The following TSHR variants were observed in gnomAD, a reference collection of about 807,000 sequenced individuals.
TSHR encodes thyrotropin receptor.
In TSHR, 51 loss-of-function variants were observed where a neutral mutation model predicts 64.1. The ratio of observed to expected loss-of-function variants is 0.80; its 90% confidence interval spans 0.64 to 1.01. The LOEUF is 1.01. Among genes scored for constraint, TSHR ranks in the 50% least tolerant of loss-of-function variants. The pLI, the probability that TSHR is intolerant of heterozygous loss-of-function variation, is 0.00. For synonymous variants in TSHR, 361 were observed against 361.9 expected, an observed-to-expected ratio of 1.00 and a Z score of 0.03; for missense variants, 877 against 942.8, an observed-to-expected ratio of 0.93 and a Z score of 0.91.
chr14:81,108,190 A>G (rs1890023946), intron 7 of TSHR, among the ~76,000 whole-genome samples, 185 bp from the exon 8 acceptor site: 1 of 152,184 alleles, frequency 6.6e-6, no homozygotes, highest in Non-Finnish European at 1.5e-5. Flanking sequence ...AATGTGTAAA[A>G]CTTTATACAA....
chr14:81,047,755 T>C (rs1885239701), intron 1 of TSHR, among the ~76,000 whole-genome samples: 1 of 151,022 alleles, frequency 6.6e-6, no homozygotes, highest in African/African-American at 2.4e-5. Flanking sequence ...TCTGCCATTC[T>C]CCTGCCTCAG....
intron 1 of TSHR, chr14:81,013,082 G>A (rs878954546): frequency 1.1e-4 from 16 of 152,112 alleles, no homozygotes; most frequent in African/African-American, 2.9e-4. Flanking sequence ...TAGGTCTAAC[G>A]TTTAAGTCTT....
At chr14:81,027,339 A>T (rs1172828346) in intron 1 of TSHR, among the ~76,000 whole-genome samples, 1 of 152,192 alleles carries the variant, frequency 6.6e-6, no homozygotes, top group Non-Finnish European at 1.5e-5. Flanking sequence ...GAAATAAGAG[A>T]TTTGAATCTG....
intron 4 of TSHR, among the ~76,000 whole-genome samples, chr14:81,090,171 C>T (rs534644198): frequency 5.3e-5 from 8 of 152,168 alleles, no homozygotes. Context: ...GTCTTTTAAT[C>T]TTAACATTTT....
At chr14:81,140,682 T>A (rs1378620821) in intron 9 of TSHR, among the ~76,000 whole-genome samples, 1 of 152,226 alleles carries the variant, frequency 6.6e-6, no homozygotes, top group African/African-American at 2.4e-5. Flanking sequence ...CAATCTCCTG[T>A]TCTCCTAATC....
At chr14:81,036,560 T>C (rs1594982127) in intron 1 of TSHR, among the ~76,000 whole-genome samples, 1 of 152,104 alleles carries the variant, frequency 6.6e-6, no homozygotes. Flanking sequence ...GCTGAGGTAA[T>C]CCATCACTGC....
intron 7 of TSHR, among the ~76,000 whole-genome samples, chr14:81,100,588 A>T (rs1374193520): frequency 6.6e-6 from 1 of 152,262 alleles, no homozygotes; most frequent in African/African-American, 2.4e-5. Flanking sequence ...TGCCAGTCAC[A>T]GCTCCCAGGT....
At chr14:80,968,979 A>C (rs1291056268) in intron 1 of TSHR, among the ~76,000 whole-genome samples, 1 of 152,218 alleles carries the variant, frequency 6.6e-6, no homozygotes, top group Non-Finnish European at 1.5e-5. Flanking sequence ...TTGGGCAGGA[A>C]TACAGACAGG....
chr14:80,966,693 G>A (rs1469791998), intron 1 of TSHR, among the ~76,000 whole-genome samples: 1 of 152,202 alleles, frequency 6.6e-6, no homozygotes, highest in Non-Finnish European at 1.5e-5. Context: ...AATACTGGAA[G>A]TTGCATTTTA....
At chr14:81,092,684 C>A in intron 6 of TSHR, 76 bp downstream of exon 6, 3 of 1,345,750 alleles carry the variant, frequency 2.2e-6, no homozygotes, top group Non-Finnish European at 3.2e-6. Flanking sequence ...ACAGACCATC[C>A]AAGAGCCATA....
intron 8 of TSHR, among the ~76,000 whole-genome samples, chr14:81,130,061 A>T (rs1441485172): frequency 6.6e-6 from 1 of 152,200 alleles, no homozygotes; most frequent in Admixed American, 6.5e-5. Flanking sequence ...GGTAAGAACT[A>T]CCTTGCCTTT....
At chr14:81,134,208 T>C (rs1030127872) in intron 8 of TSHR, among the ~76,000 whole-genome samples, 1 of 152,174 alleles carries the variant, frequency 6.6e-6, no homozygotes, top group South Asian at 2.1e-4. Context: ...CAATCTCGGC[T>C]CACCACGACC....
intron 3 of TSHR, among the ~76,000 whole-genome samples, chr14:81,075,688 C>G (rs2139932577): frequency 7.0e-6 from 1 of 142,240 alleles, no homozygotes; most frequent in Admixed American, 7.5e-5. Context: ...CACTTTTACA[C>G]TGTTGGTGGG....
chr14:81,133,487 T>C (rs1176902315), intron 8 of TSHR, among the ~76,000 whole-genome samples: 1 of 152,154 alleles, frequency 6.6e-6, no homozygotes, highest in East Asian at 1.9e-4. Context: ...AACAGAAGGG[T>C]TAACTGAAAG....
chr14:81,011,930 T>G (rs113640056), intron 1 of TSHR, among the ~76,000 whole-genome samples: 5,864 of 152,226 alleles, frequency 0.039, 367 homozygotes, highest in African/African-American at 0.13. Context: ...CTTTTTTATT[T>G]ATTTATTGAT....
At chr14:81,054,400 G>C (rs570309966) in intron 1 of TSHR, among the ~76,000 whole-genome samples, 24 of 152,298 alleles carry the variant, frequency 1.6e-4, no homozygotes, top group African/African-American at 5.8e-4. Flanking sequence ...TACTGGGAAT[G>C]GGTTGCTGCT....
intron 3 of TSHR, among the ~76,000 whole-genome samples, chr14:81,082,829 G>T (rs763803857): frequency 6.6e-6 from 1 of 152,140 alleles, no homozygotes; most frequent in Non-Finnish European, 1.5e-5. Context: ...TTTTGCAGAT[G>T]AAATGCAAAG....
At chr14:81,094,817 GCTCCTTT>G (rs1170343270) in intron 6 of TSHR, among the ~76,000 whole-genome samples, 3 of 150,252 alleles carry the variant, frequency 2.0e-5, no homozygotes, top group African/African-American at 7.3e-5. Context: ...CTCCCGAATA[GCTCCTTT>G]TAACATGGTC....
chr14:80,986,279 G>A (rs999119259), intron 1 of TSHR, among the ~76,000 whole-genome samples: 2 of 152,122 alleles, frequency 1.3e-5, no homozygotes, highest in African/African-American at 4.8e-5. Context: ...ACTATATTGG[G>A]TATTGAAGAG....
Sources: allele counts gnomAD v4.1 joint callset (sites outside exome capture counted in the v4.1 genomes callset), GRCh38; gene constraint gnomAD v4.1.1; transcripts MANE v1.5; gene names NCBI Gene and HGNC (gene_info 2026-07-23, HGNC 2026-07-21).